The following SRPRB variants were observed in gnomAD, a reference collection of about 807,000 sequenced individuals.
SRPRB encodes the protein signal recognition particle receptor subunit beta.
Under a neutral mutation model 31.9 loss-of-function variants are expected in SRPRB, and 20 were observed. The ratio of observed to expected loss-of-function variants is 0.63; its 90% CI spans 0.44 to 0.91. The LOEUF (loss-of-function observed/expected upper bound fraction) is 0.91. Ranked by LOEUF, SRPRB falls within the 40% of genes least tolerant of loss-of-function variation. SRPRB has a pLI of 0.00. For missense variants in SRPRB, 321 were observed against 324.9 expected (o/e 0.99, Z 0.09); for synonymous variants, 146 against 132.8 (o/e 1.10, Z -0.68).
intron 3 of SRPRB, among the ~76,000 whole-genome samples, chr3:133,809,920 G>T (rs965483643): frequency 8.6e-5 from 13 of 151,964 alleles, no homozygotes; most frequent in Non-Finnish European, 1.5e-4. Context: ...TGTGGCTTCT[G>T]TTATTCTATA....
intron 3 of SRPRB, 138 bp downstream of exon 3, chr3:133,807,961 G>C (rs1427534577): frequency 1.6e-6 from 1 of 634,270 alleles, no homozygotes; most frequent in Admixed American, 3.3e-5. Flanking sequence ...CATATTCTTT[G>C]TGACAAATTC....
At chr3:133,813,409 ATCTT>A (rs765366732) in intron 4 of SRPRB, among the ~76,000 whole-genome samples, 170 of 152,174 alleles carry the variant, frequency 1.1e-3, no homozygotes, top group Non-Finnish European at 2.1e-3. Flanking sequence ...TATCTTCCAG[ATCTT>A]TCTACTTCGC....
At chr3:133,804,400 C>T (rs958635474), upstream of SRPRB, among the ~76,000 whole-genome samples, 1 of 152,098 alleles carries the variant, frequency 6.6e-6, no homozygotes, top group African/African-American at 2.4e-5. Context: ...TGGGACTACG[C>T]ATGCCATAGT....
At chr3:133,813,836 G>C (rs555490281) in intron 4 of SRPRB, among the ~76,000 whole-genome samples, 1 of 152,262 alleles carries the variant, frequency 6.6e-6, no homozygotes, top group African/African-American at 2.4e-5. Flanking sequence ...GCGGTTCATA[G>C]TTCCTTCTGT....
chr3:133,822,431 C>T (rs1040020587), downstream of SRPRB, among the ~76,000 whole-genome samples: 3 of 152,188 alleles, frequency 2.0e-5, no homozygotes, highest in Admixed American at 6.5e-5. Flanking sequence ...CCAGAGGGGT[C>T]TAAGCACTGC....
chr3:133,813,336 CTGGAATTCTTATGA>C (rs1935308764), intron 4 of SRPRB, among the ~76,000 whole-genome samples: 1 of 152,220 alleles, frequency 6.6e-6, no homozygotes, highest in African/African-American at 2.4e-5. Flanking sequence ...TTCTCACACT[CTGGAATTCTTATGA>C]ATGTTATTGA....
chr3:133,793,013 A>G (rs571990013), intron 1 of SRPRB: 2 of 152,336 alleles, frequency 1.3e-5, no homozygotes, highest in Admixed American at 1.3e-4. Context: ...GATTGGAAAG[A>G]TATGTCTACA....
At chr3:133,813,742 C>G (rs557386541) in intron 4 of SRPRB, among the ~76,000 whole-genome samples, 1 of 152,168 alleles carries the variant, frequency 6.6e-6, no homozygotes, top group South Asian at 2.1e-4. Context: ...AATTTTTGCT[C>G]CAGAACCTTT....
chr3:133,806,729 T>C lies in SRPRB; in HGVS notation c.249+26T>C, dbSNP rs548257270. On this transcript the variant is annotated intron_variant, in intron 2 of 6. Transcript: ENST00000678299. ...GTAAATGATTTCATTGACACCCCTG[T>C]TAAGCTTAATAGAAAATTTTATAGA... 7.0e-6 allele frequency: 11 copies of C among 1,565,896 alleles called. No homozygotes were observed. In the South Asian group the frequency reaches 7.8e-5, roughly 11 times the overall value.
At chr3:133,784,211 C>G (rs1420903858) in intron 1 of SRPRB, 1 of 152,246 alleles carries the variant, frequency 6.6e-6, no homozygotes, top group African/African-American at 2.4e-5. Flanking sequence ...CTTCCTTCTA[C>G]CAGACGCTGG....
rs567559183 is a variant in SRPRB, at chr3:133,811,730, GCACCAC to G, written c.410+535_410+540del. On this transcript the variant is annotated intron_variant, in intron 4 of 6. Transcript: ENST00000678299. ...CCTGAGTAGCTGGGATTACAGGCAC[GCACCAC>G]CACACCCTGCTAATTTTTCATAATT... 4.8e-4 allele frequency among the ~76,000 whole-genome samples: 73 copies of G among 151,648 alleles called. 2 individuals carry two copies. The East Asian group carries it at 0.013, about 26-fold the overall frequency.
At chr3:133,813,388 C>G (rs1163198226) in intron 4 of SRPRB, among the ~76,000 whole-genome samples, 1 of 152,114 alleles carries the variant, frequency 6.6e-6, no homozygotes, top group African/African-American at 2.4e-5. Flanking sequence ...TTTCTTGTTT[C>G]CTCTCTATCG....
At chr3:133,814,130 G>GTTT (rs1935323040) in intron 4 of SRPRB, among the ~76,000 whole-genome samples, 1 of 149,882 alleles carries the variant, frequency 6.7e-6, no homozygotes, top group African/African-American at 2.5e-5. Flanking sequence ...CATAAGGCTT[G>GTTT]TATTTTTTTT....
chr3:133,789,285 A>C (rs1934768977), intron 1 of SRPRB: 1 of 152,312 alleles, frequency 6.6e-6, no homozygotes, highest in Admixed American at 6.5e-5. Context: ...ATGCAGTTGC[A>C]TGTATCCAGG....
intron 1 of SRPRB, chr3:133,784,879 T>C (rs560000018): frequency 1.3e-5 from 2 of 152,424 alleles, no homozygotes; most frequent in East Asian, 3.9e-4. Flanking sequence ...TTCCAACCAT[T>C]GTTCTGTGTG....
intron 3 of SRPRB, chr3:133,810,458 T>C (rs948927431): frequency 6.6e-6 from 1 of 152,226 alleles, no homozygotes; most frequent in Non-Finnish European, 1.5e-5. Flanking sequence ...TATTCAGGAA[T>C]GGCAGCCTGG....
upstream of SRPRB, chr3:133,805,630 T>C (rs2107967146): frequency 2.3e-6 from 1 of 439,490 alleles, no homozygotes; most frequent in Non-Finnish European, 3.9e-6. Context: ...TTAAAAGATG[T>C]GTGTGTCCCT....
chr3:133,822,992 G>C (rs979130731), downstream of SRPRB, among the ~76,000 whole-genome samples: 4 of 152,174 alleles, frequency 2.6e-5, no homozygotes, highest in African/African-American at 9.7e-5. Context: ...TAAACAAAAC[G>C]CAATTCCTGC....
At chr3:133,827,766 C>CCCCCCCCCCCCA, downstream of SRPRB, 2 of 198,178 alleles carry the variant, frequency 1.0e-5, no homozygotes, top group East Asian at 1.1e-4. Flanking sequence ...CCCCCCGCCT[C>CCCCCCCCCCCCA]CCCATCACAG....
Sources: allele counts gnomAD v4.1 joint callset (sites outside exome capture counted in the v4.1 genomes callset), GRCh38; gene constraint gnomAD v4.1.1; transcripts MANE v1.5; gene names NCBI Gene and HGNC (gene_info 2026-07-23, HGNC 2026-07-21).